The following PPFIA1 variants were observed in gnomAD, a reference collection of about 807,000 sequenced individuals.
PPFIA1 encodes liprin-alpha-1.
In PPFIA1, 25 loss-of-function variants were observed where a neutral mutation model predicts 149.9. The ratio of observed to expected loss-of-function variants is 0.17; its 90% CI spans 0.12 to 0.23. PPFIA1 has a LOEUF of 0.23. PPFIA1 is among the 10% of genes least tolerant of loss of function. The probability of loss-of-function intolerance (pLI) is 1.00; values close to 1 mark genes in which losing one functional copy is unlikely to be tolerated. For synonymous variants in PPFIA1, 549 were observed against 552.8 expected (o/e 0.99, Z 0.10); for missense variants, 1,362 against 1,506.5 (o/e 0.90, Z 1.59).
chr11:70,288,967 GTTTT>G (rs34756873), intron 2 of PPFIA1, among the ~76,000 whole-genome samples: 3 of 124,136 alleles, frequency 2.4e-5, no homozygotes, highest in African/African-American at 3.0e-5. Flanking sequence ...GCATCTGGTT[GTTTT>G]TTTTTTTTTT....
At chr11:70,366,575 C>T (rs1253188174) in intron 21 of PPFIA1, among the ~76,000 whole-genome samples, 3 of 152,148 alleles carry the variant, frequency 2.0e-5, no homozygotes, top group Admixed American at 1.3e-4. Context: ...GACAGCTTGC[C>T]GAAATGTCGT....
intron 20 of PPFIA1, 38 bp from the exon 21 acceptor site, chr11:70,362,250 C>T (rs1312089056): frequency 1.9e-6 from 3 of 1,613,286 alleles, no homozygotes; most frequent in African/African-American, 1.3e-5. Flanking sequence ...GTAGACTGTA[C>T]CTCACTGTGC....
intron 19 of PPFIA1, among the ~76,000 whole-genome samples, chr11:70,356,971 T>C (rs2056392666): frequency 6.6e-6 from 1 of 152,032 alleles, no homozygotes; most frequent in Non-Finnish European, 1.5e-5. Context: ...TGCCCCAGGG[T>C]GAGGACGTGG....
chr11:70,272,346 A>G lies in PPFIA1; in HGVS notation c.174A>G (p.Gln58=), dbSNP rs1374751569. The G allele has an allele frequency of 1.9e-6, 3 of 1,614,246 alleles. No homozygotes were observed. The highest frequency in any genetic ancestry group is 1.7e-6 in the Non-Finnish European group (2 of 1,180,042). ...DRLLDTLRET[Q]ETLALTQGKL... is the part of the protein sequence containing the mutation. The stretch of plus-strand genomic sequence containing the variant: ...TTCTTGATACACTGAGAGAGACTCA[A>G]GAAACGCTGGCCTTAACCCAGGGGA... Residue 58 remains glutamine, a synonymous_variant, in exon 2 of 28, where the codon CAA becomes CAG. Transcript: ENST00000253925.
chr11:70,280,545 G>T (rs534884353), intron 2 of PPFIA1, among the ~76,000 whole-genome samples: 1 of 152,100 alleles, frequency 6.6e-6, no homozygotes, highest in African/African-American at 2.4e-5. Context: ...CTCCAGCCTG[G>T]GTGGCAAGAG....
At chr11:70,356,990 G>A (rs991095480) in intron 19 of PPFIA1, among the ~76,000 whole-genome samples, 1 of 152,170 alleles carries the variant, frequency 6.6e-6, no homozygotes, top group South Asian at 2.1e-4. Context: ...GGAGGAATCG[G>A]GTTTCTGTCC....
chr11:70,358,072 G>C (rs960940003), intron 19 of PPFIA1: 1 of 152,190 alleles, frequency 6.6e-6, no homozygotes, highest in Admixed American at 6.5e-5. Context: ...TTTATGTTGT[G>C]CTTGGGATCC....
intron 23 of PPFIA1, chr11:70,373,940 C>T (rs2135406963): frequency 6.6e-6 from 1 of 152,282 alleles, no homozygotes; most frequent in South Asian, 2.1e-4. Flanking sequence ...GTTTTGTTTT[C>T]TGTATCTATT....
At chr11:70,378,482 T>C in intron 26 of PPFIA1, 1 of 1,119,152 alleles carries the variant, frequency 8.9e-7, no homozygotes, top group Non-Finnish European at 1.1e-6. Flanking sequence ...GACTGAGGCA[T>C]ACTTGTAAAT....
At chr11:70,353,361 A>G (rs2056180132) in intron 16 of PPFIA1, among the ~76,000 whole-genome samples, 2 of 152,240 alleles carry the variant, frequency 1.3e-5, no homozygotes. Flanking sequence ...GCCTGGAATC[A>G]CAGCAAGAAC....
chr11:70,383,202 A>T lies in PPFIA1; in HGVS notation c.*212A>T, dbSNP rs1423042789. The T allele has an allele frequency of 6.2e-6, 2 of 322,108 alleles. No individual in the cohort carries two copies. Among genetic ancestry groups the T allele is most frequent in the South Asian group, 2.5e-5 (1 of 39,504 alleles). The allele number at this position is 322,108 out of a possible 1,614,324, so 20.0% of individuals were successfully genotyped here. ...TTAGAATTTAATGTTTCTTATATTT[A>T]TGTAAACTTATGACTCTTCATTTAT... On this transcript the variant is annotated 3_prime_UTR_variant, in exon 28 of 28. Transcript: ENST00000253925.
chr11:70,348,559 T>C, intron 16 of PPFIA1, 139 bp downstream of exon 16: 2 of 751,278 alleles, frequency 2.7e-6, no homozygotes, highest in Non-Finnish European at 4.3e-6. Flanking sequence ...TAGTTACTAT[T>C]TAATCATTCA....
intron 2 of PPFIA1, among the ~76,000 whole-genome samples, chr11:70,294,416 G>A (rs961019111): frequency 6.6e-6 from 1 of 152,128 alleles, no homozygotes; most frequent in Non-Finnish European, 1.5e-5. Context: ...ATATGCCCAC[G>A]TCCTTTAGAC....
chr11:70,338,391 C>T lies in PPFIA1; in HGVS notation c.1509C>T (p.Asn503=). 1 of 1,612,900 alleles carries T rather than the reference C, an allele frequency of 6.2e-7. No individual in the cohort carries two copies. Among genetic ancestry groups the T allele is most frequent in the Non-Finnish European group, 8.5e-7 (1 of 1,178,900 alleles). Residue 503 remains asparagine, a synonymous_variant, in exon 13 of 28, where the codon AAC becomes AAT. Coordinates refer to ENST00000253925, the MANE Select transcript of PPFIA1 (RefSeq NM_003626.5). ...TTCTGTAGGATCAGCTTGTCCTAAA[C>T]ATTGAAGCACTGAGGGCTGAACTAG... ...TQHDKDQLVL[N]IEALRAELDH...
In PPFIA1 at chr11:70,372,319, C is replaced by T. The variant is rs768444929; in HGVS notation, c.2970C>T (p.Asp990=). Residue 990 remains aspartate, a synonymous_variant, in exon 22 of 28, where the codon GAC becomes GAT. Coordinates refer to ENST00000253925, the MANE Select transcript of PPFIA1 (RefSeq NM_003626.5). The part of the protein sequence containing the change: ...YRSYFMECLV[D]ARMLDHLTKK... ...GCTACTTCATGGAGTGCCTTGTAGA[C>T]GCCAGGATGCTGGACCACTTGACCA... 41 of 1,614,090 alleles carry T rather than the reference C, an allele frequency of 2.5e-5. No homozygotes were observed. The highest frequency in any genetic ancestry group is 4.5e-5 in the East Asian group (2 of 44,894).
intron 2 of PPFIA1, among the ~76,000 whole-genome samples, chr11:70,275,375 G>T (rs1461858554): frequency 1.3e-5 from 2 of 152,154 alleles, no homozygotes; most frequent in African/African-American, 2.4e-5. Context: ...TTAGACTCTT[G>T]TGTTTGCCTT....
chr11:70,333,721 GCGTACATCC>G (rs979723120), intron 10 of PPFIA1, among the ~76,000 whole-genome samples, 168 bp downstream of exon 10: 3 of 152,192 alleles, frequency 2.0e-5, no homozygotes, highest in African/African-American at 7.2e-5. Context: ...GCCTGCTAAT[GCGTACATCC>G]CACACAGTAG....
chr11:70,292,357 CTG>C (rs2051592810), intron 2 of PPFIA1, among the ~76,000 whole-genome samples: 3 of 152,240 alleles, frequency 2.0e-5, no homozygotes, highest in African/African-American at 7.2e-5. Context: ...TCCGCCTCCC[CTG>C]TGTGGATTCC....
intron 2 of PPFIA1, among the ~76,000 whole-genome samples, chr11:70,279,845 T>G (rs984062361): frequency 3.3e-5 from 5 of 149,460 alleles, no homozygotes; most frequent in African/African-American, 1.3e-4. Context: ...TGCCTTGGCC[T>G]CCTAAACTGT....
Sources: allele counts gnomAD v4.1 joint callset (sites outside exome capture counted in the v4.1 genomes callset), GRCh38; gene constraint gnomAD v4.1.1; transcripts MANE v1.5; gene names NCBI Gene and HGNC (gene_info 2026-07-23, HGNC 2026-07-21).